RAI2: variants seen among roughly 807,000 people sequenced by gnomAD.
RAI2 encodes retinoic acid induced 2.
A neutral mutation model predicts 15.3 loss-of-function variants in RAI2; 5 were observed. That is an observed-to-expected ratio of 0.33 (90% CI 0.17 to 0.69). The LOEUF (loss-of-function observed/expected upper bound fraction) is 0.69, where lower values mean the gene tolerates loss of function less well. Ranked by LOEUF, RAI2 falls within the 30% of genes least tolerant of loss-of-function variation. The pLI, the probability that RAI2 is intolerant of heterozygous loss-of-function variation, is 0.69. For missense variants in RAI2, 424 were observed against 424.7 expected (o/e 1.00, Z 0.01); for synonymous variants, 191 against 184.0 (o/e 1.04, Z -0.31).
chrX:17,813,776 G>A (rs1428742736), intron 1 of RAI2, among the ~76,000 whole-genome samples: 3 of 111,670 alleles, frequency 2.7e-5, no homozygotes, highest in Non-Finnish European at 5.6e-5. Context: ...TTACTGAACT[G>A]GCTACCTCCT....
At chrX:17,843,247 C>T (rs1418553171) in intron 1 of RAI2, among the ~76,000 whole-genome samples, 1 of 111,460 alleles carries the variant, frequency 9.0e-6, no homozygotes. Flanking sequence ...AAACTGAGCT[C>T]GTGAGCTGTG....
intron 1 of RAI2, among the ~76,000 whole-genome samples, chrX:17,850,133 C>T (rs995355368): frequency 2.7e-5 from 3 of 112,154 alleles, no homozygotes; most frequent in Admixed American, 9.4e-5. Context: ...GAAAGGGCTT[C>T]ATATGTGGAC....
chrX:17,804,105 G>A (rs908383245), intron 1 of RAI2, among the ~76,000 whole-genome samples: 1 of 110,728 alleles, frequency 9.0e-6, no homozygotes, highest in East Asian at 2.9e-4. Flanking sequence ...GACTACAGGT[G>A]CACACCACCA....
intron 1 of RAI2, among the ~76,000 whole-genome samples, chrX:17,825,029 G>C (rs1037735762): frequency 1.8e-5 from 2 of 112,618 alleles, no homozygotes; most frequent in Non-Finnish European, 3.7e-5. Flanking sequence ...GCTATTAAAT[G>C]TGCTTGTATG....
chrX:17,807,876 T>A (rs2066999565), intron 1 of RAI2, among the ~76,000 whole-genome samples: 1 of 112,103 alleles, frequency 8.9e-6, no homozygotes, highest in South Asian at 3.7e-4. Flanking sequence ...ATGCTGAAAA[T>A]TTTCTCAAGA....
chrX:17,824,800 T>C (rs1255905982), intron 1 of RAI2, among the ~76,000 whole-genome samples: 1 of 112,102 alleles, frequency 8.9e-6, no homozygotes, highest in Non-Finnish European at 1.9e-5. Context: ...TGAGTCCATC[T>C]TGAAGGCATT....
At chrX:17,853,374 T>C (rs1040580970) in intron 1 of RAI2, among the ~76,000 whole-genome samples, 5 of 112,429 alleles carry the variant, frequency 4.4e-5, no homozygotes, top group Non-Finnish European at 9.4e-5. Flanking sequence ...TCTTTTATTA[T>C]GTCAAATGGA....
chrX:17,815,708 A>C (rs111807539), intron 1 of RAI2, among the ~76,000 whole-genome samples: 1,295 of 111,689 alleles, frequency 0.012, 16 homozygotes, highest in African/African-American at 0.04. Flanking sequence ...CAAACATTAG[A>C]GGGGTTATCT....
intron 1 of RAI2, among the ~76,000 whole-genome samples, chrX:17,817,394 C>A (rs1005764850): frequency 1.7e-4 from 19 of 112,409 alleles, no homozygotes; most frequent in Non-Finnish European, 3.2e-4. Context: ...AGTAAATTCA[C>A]TGAACACCCT....
chrX:17,803,828 A>C (rs2066948057), intron 1 of RAI2, among the ~76,000 whole-genome samples: 1 of 111,708 alleles, frequency 9.0e-6, no homozygotes, highest in African/African-American at 3.3e-5. Flanking sequence ...CAGAGTTGGG[A>C]GGCAGCCTGG....
At chrX:17,821,670 C>T (rs890711958) in intron 1 of RAI2, among the ~76,000 whole-genome samples, 1 of 111,054 alleles carries the variant, frequency 9.0e-6, no homozygotes, top group Admixed American at 9.6e-5. Flanking sequence ...GGATAGATGA[C>T]ATATGGCTTT....
intron 1 of RAI2, among the ~76,000 whole-genome samples, chrX:17,847,742 A>T (rs755490490): frequency 1.8e-5 from 2 of 112,553 alleles, no homozygotes; most frequent in African/African-American, 6.4e-5. Flanking sequence ...GAAGGCAGCA[A>T]ATAAGTATCC....
At chrX:17,838,347 AAAGGT>A (rs2067358341) in intron 1 of RAI2, among the ~76,000 whole-genome samples, 1 of 112,141 alleles carries the variant, frequency 8.9e-6, no homozygotes, top group South Asian at 3.7e-4. Context: ...ACCTCTATAA[AAAGGT>A]AAGATAGACT....
At chrX:17,853,508 G>A (rs942352909) in intron 1 of RAI2, among the ~76,000 whole-genome samples, 1 of 111,259 alleles carries the variant, frequency 9.0e-6, no homozygotes, top group African/African-American at 3.3e-5. Flanking sequence ...TGGTGTTAAC[G>A]GTATCTAGTG....
rs530663632 is a variant in RAI2 at position 17,808,040 on chromosome X, G to A, written c.-24-6006C>T. Among the ~76,000 whole-genome samples, 6 of 111,800 alleles carry A rather than the reference G, an allele frequency of 5.4e-5. No individual in the cohort carries two copies. In the East Asian group the frequency reaches 1.1e-3, roughly 21 times the overall value. ...ATGCGGCCCAGACGGCTTTGAATGC[G>A]GCCCACACAAATTTGTAAACTTTCT... On this transcript the variant is annotated intron_variant, in intron 1 of 1. Transcript: ENST00000451717.
At chrX:17,842,370 A>T (rs1239978480) in intron 1 of RAI2, among the ~76,000 whole-genome samples, 1 of 111,663 alleles carries the variant, frequency 9.0e-6, no homozygotes, top group East Asian at 2.8e-4. Flanking sequence ...TAATATGAGG[A>T]TAAACTGTCG....
At chrX:17,850,529 C>T (rs2067517762) in intron 1 of RAI2, among the ~76,000 whole-genome samples, 3 of 112,606 alleles carry the variant, frequency 2.7e-5, no homozygotes, top group African/African-American at 9.7e-5. Context: ...TTCCATTCTT[C>T]ACGTGGGCTT....
chrX:17,827,165 A>G (rs1031537613), intron 1 of RAI2, among the ~76,000 whole-genome samples: 1 of 112,003 alleles, frequency 8.9e-6, no homozygotes, highest in African/African-American at 3.3e-5. Context: ...CTTTGAGACT[A>G]CATAGAAGAG....
intron 1 of RAI2, among the ~76,000 whole-genome samples, chrX:17,830,055 A>G (rs1197412672): frequency 3.6e-5 from 4 of 112,575 alleles, no homozygotes; most frequent in Admixed American, 2.8e-4. Context: ...TCCTTTTGCA[A>G]AATAACTCCC....
Sources: allele counts gnomAD v4.1 joint callset (sites outside exome capture counted in the v4.1 genomes callset), GRCh38; gene constraint gnomAD v4.1.1; transcripts MANE v1.5; gene names NCBI Gene and HGNC (gene_info 2026-07-23, HGNC 2026-07-21).